FOLH1: variants seen among roughly 807,000 people sequenced by gnomAD.
The protein encoded by FOLH1 is folate hydrolase 1.
In FOLH1, 54 loss-of-function variants were observed where a neutral mutation model predicts 93.9. The observed-to-expected ratio is 0.57, with a 90% CI of 0.46 to 0.72. The LOEUF is 0.72. Ranked by LOEUF, FOLH1 falls within the 30% of genes least tolerant of loss-of-function variation. FOLH1 has a pLI of 0.00. For synonymous variants in FOLH1, 249 were observed against 303.6 expected, an observed-to-expected ratio of 0.82 and a Z score of 1.87; for missense variants, 571 against 892.5, an observed-to-expected ratio of 0.64 and a Z score of 4.59.
chr11:49,198,679 T>G (rs1320313868), intron 3 of FOLH1, among the ~76,000 whole-genome samples: 1 of 152,126 alleles, frequency 6.6e-6, no homozygotes, highest in South Asian at 2.1e-4. Flanking sequence ...TGTATAGATA[T>G]GCCACCACTT....
intron 4 of FOLH1, among the ~76,000 whole-genome samples, chr11:49,190,336 C>T (rs1465374747): frequency 1.3e-5 from 2 of 152,180 alleles, no homozygotes; most frequent in Non-Finnish European, 2.9e-5. Context: ...CTCAGCACTT[C>T]TCAAATGCAA....
intron 5 of FOLH1, 70 bp downstream of exon 5, chr11:49,186,559 TTTAAGAAAATGATTC>T: frequency 6.9e-7 from 1 of 1,440,024 alleles, no homozygotes; most frequent in Non-Finnish European, 9.4e-7. Context: ...TTCATAAAGT[TTTAAGAAAATGATTC>T]TACACATGTA....
chr11:49,190,085 G>C (rs1219492383), intron 4 of FOLH1, among the ~76,000 whole-genome samples: 2 of 152,276 alleles, frequency 1.3e-5, no homozygotes, highest in East Asian at 3.9e-4. Context: ...TGGCTACAAA[G>C]TCATTAACCA....
At position 49,169,271 on chromosome 11, in the gene FOLH1, G is replaced by A. The variant is rs1354966917; in HGVS notation, c.1309-13C>T. ...GTCTTGAATTCTCCTATAATAAAAA[G>A]GAAAACTATAAATATAAAGTTATAA... On this transcript the variant is annotated splice_polypyrimidine_tract_variant and intron_variant, in intron 11 of 18. Transcript: ENST00000256999. 6.2e-7 allele frequency: 1 copy of A among 1,610,788 alleles called. No individual in the cohort carries two copies. The highest frequency in any genetic ancestry group is 1.7e-5 in the Admixed American group (1 of 59,952).
At chr11:49,185,635 A>C (rs773944365) in intron 6 of FOLH1, 34 bp downstream of exon 6, 2 of 1,612,118 alleles carry the variant, frequency 1.2e-6, no homozygotes, top group African/African-American at 2.7e-5. Context: ...TCAAATGTTA[A>C]GTTTCCTATG....
At chr11:49,173,108 C>T (rs1020066536) in intron 10 of FOLH1, among the ~76,000 whole-genome samples, 24 of 152,146 alleles carry the variant, frequency 1.6e-4, no homozygotes, top group African/African-American at 5.8e-4. Flanking sequence ...TTGCCAAGAA[C>T]AACCATTAAC....
chr11:49,208,222 A>G, intron 1 of FOLH1, 70 bp downstream of exon 1: 1 of 1,150,844 alleles, frequency 8.7e-7, no homozygotes, highest in Non-Finnish European at 1.2e-6. Context: ...TCGGCAGCTG[A>G]CCCGCGAGTC....
rs1590654797 is a variant in FOLH1, at chr11:49,192,653, G to A, written c.513+140C>T. On this transcript the variant is annotated intron_variant, in intron 4 of 18. Transcript: ENST00000256999. ...AATCAATATTCCTTCTTCTTACTAA[G>A]ACATTCTCATTACTTAAATGTGGAA... The A allele has an allele frequency of 1.2e-5, 6 of 510,888 alleles. No homozygotes were observed. The Middle Eastern group carries it at 2.1e-3, about 175-fold the overall frequency. The allele number at this position is 510,888 out of a possible 1,614,324, so 31.6% of individuals were successfully genotyped here.
intron 6 of FOLH1, among the ~76,000 whole-genome samples, chr11:49,184,709 A>G (rs1861176796): frequency 6.6e-6 from 1 of 152,248 alleles, no homozygotes; most frequent in Non-Finnish European, 1.5e-5. Context: ...TGAAGACATA[A>G]ATGTCATAGA....
intron 18 of FOLH1, among the ~76,000 whole-genome samples, chr11:49,148,421 C>A (rs1856022039): frequency 1.3e-5 from 2 of 150,938 alleles, no homozygotes; most frequent in Admixed American, 6.6e-5. Flanking sequence ...AATTTATATT[C>A]TTTTATAATC....
At chr11:49,146,983 A>T in intron 18 of FOLH1, 38 bp from the exon 19 acceptor site, 1 of 1,586,690 alleles carries the variant, frequency 6.3e-7, no homozygotes, top group South Asian at 1.2e-5. Flanking sequence ...TAGGTGCCCA[A>T]ATGATATACA....
chr11:49,197,446 T>G (rs537426033), intron 3 of FOLH1, among the ~76,000 whole-genome samples: 1 of 152,320 alleles, frequency 6.6e-6, no homozygotes, highest in East Asian at 1.9e-4. Context: ...ACAATATTAG[T>G]TTATAATTTC....
At chr11:49,166,008 C>A (rs1267999243) in intron 12 of FOLH1, among the ~76,000 whole-genome samples, 1 of 152,020 alleles carries the variant, frequency 6.6e-6, no homozygotes, top group Non-Finnish European at 1.5e-5. Flanking sequence ...TCACATTATA[C>A]CAAAAAAGCA....
intron 12 of FOLH1, among the ~76,000 whole-genome samples, chr11:49,167,124 C>T (rs535219491): frequency 1.3e-5 from 2 of 151,968 alleles, no homozygotes. Context: ...AGTATTTATT[C>T]TGGGTGGGCA....
At chr11:49,160,042 A>G (rs1378137294) in intron 13 of FOLH1, among the ~76,000 whole-genome samples, 1 of 151,960 alleles carries the variant, frequency 6.6e-6, no homozygotes, top group Non-Finnish European at 1.5e-5. Flanking sequence ...CCTCCCGAGC[A>G]GCTGGGATTA....
rs1308832394 is a variant in FOLH1, at chr11:49,185,814, G to A, written c.681C>T (p.Leu227=). ...CAAAGTAGTCAGCAGGGTCGGAGTA[G>A]AGAATGACTCCTTTGGCCCCTGCCA... is the stretch of plus-strand genomic sequence containing the variant. ...AQLAGAKGVI[L]YSDPADYFAP... is the part of the protein sequence containing the mutation. The change falls in exon 6 of 19, where the codon CTC becomes CTT. Residue 227 remains leucine (L), a synonymous_variant. Coordinates refer to ENST00000256999, the MANE Select transcript of FOLH1 (RefSeq NM_004476.3). 6.3e-7 allele frequency: 1 copy of A among 1,597,206 alleles called. No individual in the cohort carries two copies. The highest frequency in any genetic ancestry group is 1.1e-5 in the South Asian group (1 of 87,694).
intron 3 of FOLH1, among the ~76,000 whole-genome samples, chr11:49,197,328 CT>C (rs34260090): frequency 3.0e-4 from 45 of 152,182 alleles, no homozygotes; most frequent in South Asian, 1.0e-3. Flanking sequence ...AAGGAAATGC[CT>C]TTTTGGTTGA....
intron 10 of FOLH1, 56 bp from the exon 11 acceptor site, chr11:49,171,333 A>T (rs771766790): frequency 4.7e-6 from 7 of 1,493,480 alleles, no homozygotes; most frequent in Non-Finnish European, 6.3e-6. Flanking sequence ...TATACCCAGG[A>T]CACTACCAAG....
chr11:49,148,595 G>A, intron 18 of FOLH1, 44 bp downstream of exon 18: 1 of 1,385,860 alleles, frequency 7.2e-7, no homozygotes, highest in African/African-American at 1.5e-5. Flanking sequence ...ATAATTAGAA[G>A]AAAAAGTGAT....
Sources: allele counts gnomAD v4.1 joint callset (sites outside exome capture counted in the v4.1 genomes callset), GRCh38; gene constraint gnomAD v4.1.1; transcripts MANE v1.5; gene names NCBI Gene and HGNC (gene_info 2026-07-23, HGNC 2026-07-21).